The following CHRDL1 variants were observed in gnomAD, a reference collection of about 807,000 sequenced individuals.
CHRDL1 encodes the protein chordin-like protein 1.
A neutral mutation model predicts 40.9 loss-of-function variants in CHRDL1; 19 were observed. The ratio of observed to expected loss-of-function variants is 0.46; its 90% CI spans 0.32 to 0.68. The LOEUF is 0.68. CHRDL1 is among the 30% of genes least tolerant of loss of function. The probability of loss-of-function intolerance (pLI) is 0.03; values close to 1 mark genes in which losing one functional copy is unlikely to be tolerated. For missense variants in CHRDL1, 329 were observed against 352.1 expected (o/e 0.93, Z 0.53); for synonymous variants, 136 against 123.4 (o/e 1.10, Z -0.68).
chrX:110,748,973 T>A (rs1407114687), intron 4 of CHRDL1, among the ~76,000 whole-genome samples: 1 of 110,603 alleles, frequency 9.0e-6, no homozygotes, highest in Non-Finnish European at 1.9e-5. Flanking sequence ...ATGTTATGGA[T>A]TTTTAGCACA....
chrX:110,714,501 A>AT (rs1313741990), intron 6 of CHRDL1, among the ~76,000 whole-genome samples: 1 of 111,154 alleles, frequency 9.0e-6, no homozygotes, highest in Non-Finnish European at 1.9e-5. Flanking sequence ...ATCTGAAGAG[A>AT]TTTTTTCTTC....
At chrX:110,790,987 A>C (rs2090089766) in intron 2 of CHRDL1, among the ~76,000 whole-genome samples, 1 of 108,476 alleles carries the variant, frequency 9.2e-6, no homozygotes, top group African/African-American at 3.4e-5. Context: ...CAGGAAGAAG[A>C]CTACACTTAC....
At chrX:110,792,267 T>C (rs2090115159) in intron 1 of CHRDL1, 52 bp from the exon 2 acceptor site, 3 of 523,622 alleles carry the variant, frequency 5.7e-6, no homozygotes, top group Non-Finnish European at 9.6e-6. Flanking sequence ...CTGGAAATGA[T>C]AGAGGTCACT....
intron 9 of CHRDL1, among the ~76,000 whole-genome samples, chrX:110,687,327 C>T (rs1383473125): frequency 9.0e-6 from 1 of 111,224 alleles, no homozygotes; most frequent in Non-Finnish European, 1.9e-5. Context: ...AATGCCACAG[C>T]CCAGGCCACA....
intron 4 of CHRDL1, among the ~76,000 whole-genome samples, chrX:110,723,579 C>A (rs989902400): frequency 1.8e-5 from 2 of 111,553 alleles, no homozygotes; most frequent in African/African-American, 6.5e-5. Context: ...TGATGTCTGA[C>A]TGATTCTAGA....
intron 4 of CHRDL1, among the ~76,000 whole-genome samples, chrX:110,737,483 G>T (rs1195444822): frequency 8.1e-5 from 9 of 111,719 alleles, no homozygotes; most frequent in African/African-American, 2.9e-4. Flanking sequence ...AGTTAGAAAT[G>T]CAGAATCTCA....
At chrX:110,763,539 A>T (rs2089603518) in intron 2 of CHRDL1, among the ~76,000 whole-genome samples, 1 of 81,806 alleles carries the variant, frequency 1.2e-5, no homozygotes, top group Admixed American at 1.4e-4. Context: ...CAATAGAAAC[A>T]TATATATATA....
intron 6 of CHRDL1, among the ~76,000 whole-genome samples, chrX:110,702,750 T>C (rs1197882968): frequency 8.9e-6 from 1 of 111,918 alleles, no homozygotes; most frequent in East Asian, 2.8e-4. Flanking sequence ...CTCTTTGCTT[T>C]TTCTCCTTAG....
rs960243355 is a variant in CHRDL1 at position 110,727,675 on chromosome X, A to G, written c.302-6145T>C. Among the ~76,000 whole-genome samples, 5 of 112,436 alleles carry G rather than the reference A, an allele frequency of 4.4e-5. No individual in the cohort carries two copies. The Admixed American group carries it at 4.7e-4, about 11-fold the overall frequency. ...ATATAAATTAAAACTGCAATGAAATACCATTTTTCTTAGCAGATTTAGAAA... is the reference window on the plus strand; with the variant it reads ...ATATAAATTAAAACTGCAATGAAATGCCATTTTTCTTAGCAGATTTAGAAA... On this transcript the variant is annotated intron_variant, in intron 4 of 11. Transcript: ENST00000372042.
chrX:110,729,515 G>A (rs1445466421), intron 4 of CHRDL1, among the ~76,000 whole-genome samples: 2 of 111,341 alleles, frequency 1.8e-5, no homozygotes, highest in Non-Finnish European at 3.8e-5. Flanking sequence ...TACTAATCCC[G>A]TTAAGTAATT....
rs113232322 is a variant in CHRDL1, at chrX:110,795,157, A to T, written c.-35+587T>A. ...AATGGGCACTGGGGGGACCCAGAGAACTCAAATAACTTTAGTGGCAGGGCT... is the reference window on the plus strand; with the variant it reads ...AATGGGCACTGGGGGGACCCAGAGATCTCAAATAACTTTAGTGGCAGGGCT... On this transcript the variant is annotated intron_variant, in intron 1 of 11. Transcript: ENST00000372042. Among the ~76,000 whole-genome samples the T allele has an allele frequency of 9.3e-3, 1,039 of 111,944 alleles. 7 individuals are homozygous for T. Among genetic ancestry groups the T allele is most frequent in the Middle Eastern group, 0.019 (4 of 216 alleles).
intron 4 of CHRDL1, among the ~76,000 whole-genome samples, chrX:110,743,951 G>C (rs951053511): frequency 9.0e-6 from 1 of 111,490 alleles, no homozygotes; most frequent in African/African-American, 3.3e-5. Flanking sequence ...CTCTGACTCA[G>C]AGGAGGAATC....
chrX:110,751,228 G>A (rs1320082612), intron 4 of CHRDL1, among the ~76,000 whole-genome samples: 1 of 111,620 alleles, frequency 9.0e-6, no homozygotes, highest in Non-Finnish European at 1.9e-5. Flanking sequence ...CTAGTTTAGG[G>A]TCTTGTGCTA....
At position 110,721,431 on chromosome X, in the gene CHRDL1, A is replaced by G; in HGVS notation, c.401T>C (p.Leu134Pro). ...TTGATTGGGTTGCCGATTCTGAAAG[A>G]GCCCTTCAGCTACGAACAGCTCTCC... is the stretch of plus-strand genomic sequence containing the variant. Reference protein sequence around the residue: ...QHGELFVAEGLFQNRQPNQCT... With the variant: ...QHGELFVAEGPFQNRQPNQCT... Residue 134 changes from leucine to proline, a missense_variant, in exon 5 of 12, where the codon CTC becomes CCC. By Grantham distance (98) the Leu-to-Pro change is moderately conservative (BLOSUM62 -3). Coordinates refer to ENST00000372042, the MANE Select transcript of CHRDL1 (RefSeq NM_001143981.2). 1 of 1,209,612 alleles carries G rather than the reference A, an allele frequency of 8.3e-7. No homozygotes were observed. The highest frequency in any genetic ancestry group is 1.1e-6 in the Non-Finnish European group (1 of 893,472).
At chrX:110,764,890 GT>G (rs1392447655) in intron 2 of CHRDL1, among the ~76,000 whole-genome samples, 2 of 110,984 alleles carry the variant, frequency 1.8e-5, no homozygotes. Flanking sequence ...GCTTACTAGG[GT>G]GGGGAAAAAC....
rs772555943 is a variant in CHRDL1 at position 110,690,290 on chromosome X, C to T, written c.779-1487G>A. The stretch of plus-strand genomic sequence containing the variant: ...GTCTCGATCTCCTGACCTCGTGATC[C>T]GCCTGCCTCGGCCTCCCAAAGTGCT... On this transcript the variant is annotated intron_variant, in intron 8 of 11. Coordinates refer to ENST00000372042, the MANE Select transcript of CHRDL1 (RefSeq NM_001143981.2). 3.2e-3 allele frequency among the ~76,000 whole-genome samples: 338 copies of T among 105,893 alleles called. 2 individuals are homozygous for T. The highest frequency in any genetic ancestry group is 0.011 in the African/African-American group (311 of 28,979). 92.0% of individuals were successfully genotyped at this position (105,893 alleles called of 115,157 possible).
chrX:110,731,878 T>TA (rs771598433), intron 4 of CHRDL1, among the ~76,000 whole-genome samples: 2 of 110,559 alleles, frequency 1.8e-5, no homozygotes, highest in East Asian at 5.7e-4. Flanking sequence ...ATTCTGGAGT[T>TA]AGATAGTGGT....
At chrX:110,785,933 C>T (rs2090010534) in intron 2 of CHRDL1, among the ~76,000 whole-genome samples, 2 of 112,299 alleles carry the variant, frequency 1.8e-5, no homozygotes. Context: ...ACCTGGAATG[C>T]ATTTCCTTAC....
chrX:110,758,031 T>G (rs2148504591), intron 4 of CHRDL1, among the ~76,000 whole-genome samples: 1 of 107,606 alleles, frequency 9.3e-6, no homozygotes, highest in Admixed American at 1.0e-4. Context: ...AGACCACTTT[T>G]GGAGACTTCT....
Sources: gnomAD v4.1 joint callset for allele counts (sites outside exome capture counted in the v4.1 genomes callset) on GRCh38, gnomAD v4.1.1 for gene constraint, MANE v1.5 for transcripts, NCBI Gene and HGNC (gene_info 2026-07-23, HGNC 2026-07-21) for gene names.